The following HDAC4 variants were observed in gnomAD, a reference collection of about 807,000 sequenced individuals.
HDAC4 encodes histone deacetylase A.
HDAC4 carries 16 observed loss-of-function variants against 135.1 expected under a neutral mutation model. The ratio of observed to expected loss-of-function variants is 0.12; its 90% CI spans 0.08 to 0.18. The LOEUF is 0.18. Among genes scored for constraint, HDAC4 ranks in the 10% least tolerant of loss-of-function variants. HDAC4 has a pLI of 1.00. For missense variants in HDAC4, 1,143 were observed against 1,511.8 expected, an observed-to-expected ratio of 0.76 and a Z score of 4.05; for synonymous variants, 685 against 653.4, an observed-to-expected ratio of 1.05 and a Z score of -0.74.
At chr2:239,370,153 G>T (rs1318608901) in intron 1 of HDAC4, among the ~76,000 whole-genome samples, 1 of 152,174 alleles carries the variant, frequency 6.6e-6, no homozygotes, top group Non-Finnish European at 1.5e-5. Flanking sequence ...TTTTCCCAAG[G>T]GGCTCTGCGG....
At chr2:239,379,985 T>C (rs2126051308) in intron 1 of HDAC4, among the ~76,000 whole-genome samples, 1 of 152,264 alleles carries the variant, frequency 6.6e-6, no homozygotes, top group Middle Eastern at 3.4e-3. Context: ...ATCTGGCCCG[T>C]GGTGGAGTGT....
chr2:239,098,981 GAA>G (rs1178330460), intron 16 of HDAC4, among the ~76,000 whole-genome samples: 1 of 152,234 alleles, frequency 6.6e-6, no homozygotes, highest in Non-Finnish European at 1.5e-5. Flanking sequence ...GTAAACAAAA[GAA>G]ACTGACTAGA....
chr2:239,382,028 C>T (rs1232442567), intron 1 of HDAC4, among the ~76,000 whole-genome samples: 11 of 152,188 alleles, frequency 7.2e-5, no homozygotes, highest in Non-Finnish European at 1.5e-4. Context: ...AACAGTGATA[C>T]AGATCACATA....
At position 239,053,094 on chromosome 2, in the gene HDAC4, G is replaced by A. The variant is rs752544676; in HGVS notation, c.*3C>T. ...ACAAGAGAACAGCAGCTTCGAGGGA[G>A]TGCTACAGGGGCGGCTCCTCTTCCA... On this transcript the variant is annotated 3_prime_UTR_variant, in exon 27 of 27. Transcript: ENST00000543185. 9.3e-6 allele frequency: 15 copies of A among 1,614,118 alleles called. No homozygotes were observed. Among genetic ancestry groups the A allele is most frequent in the South Asian group, 1.1e-5 (1 of 91,094 alleles).
At chr2:239,214,206 C>T (rs530084678) in intron 3 of HDAC4, among the ~76,000 whole-genome samples, 27 of 152,320 alleles carry the variant, frequency 1.8e-4, no homozygotes, top group East Asian at 1.4e-3. Flanking sequence ...AGAATCTGCT[C>T]CTGGCCTTCT....
chr2:239,398,854 CT>C (rs1212799832), intron 1 of HDAC4, among the ~76,000 whole-genome samples: 2 of 152,254 alleles, frequency 1.3e-5, no homozygotes, highest in African/African-American at 4.8e-5. Flanking sequence ...GGCATGCCTG[CT>C]GCCAGCTCCC....
In HDAC4 at chr2:239,397,897, G is replaced by A. The variant is rs113407403; in HGVS notation, c.-220+3081C>T. On this transcript the variant is annotated intron_variant, in intron 1 of 26. Transcript: ENST00000543185. ...GCCAAAAACCCAGAGCCCACCACAC[G>A]GCAGGGCATATGCTGACCACCTGAA... 1.1e-4 allele frequency among the ~76,000 whole-genome samples: 16 copies of A among 152,232 alleles called. No individual in the cohort carries two copies. In the East Asian group the frequency reaches 1.2e-3, roughly 11 times the overall value.
rs1327933488 is a variant in HDAC4, at chr2:239,108,182, G to A, written c.1980C>T (p.Gly660=). ...TCAGCATCAGCGTGTCATACACGAG[G>A]CCTGGGGCGGGGCAGAGGGGCCAAG... The part of the protein sequence containing the change: ...EPPTKPRFTT[G]LVYDTLMLKH... Residue 660 remains glycine, a splice_region_variant and synonymous_variant, in exon 15 of 27, where the codon GGC becomes GGT. Transcript: ENST00000543185. 1 of 1,598,490 alleles carries A rather than the reference G, an allele frequency of 6.3e-7. No individual in the cohort carries two copies. The highest frequency in any genetic ancestry group is 8.5e-7 in the Non-Finnish European group (1 of 1,173,810).
chr2:239,202,423 G>A (rs568902455), intron 3 of HDAC4, among the ~76,000 whole-genome samples: 27 of 152,324 alleles, frequency 1.8e-4, no homozygotes, highest in African/African-American at 5.3e-4. Flanking sequence ...TGGACGGGGC[G>A]TAGACTTGGG....
chr2:239,081,933 C>T (rs964430195), intron 21 of HDAC4, among the ~76,000 whole-genome samples, 169 bp downstream of exon 21: 10 of 152,226 alleles, frequency 6.6e-5, no homozygotes, highest in Non-Finnish European at 1.0e-4. Context: ...CCTGTGCACA[C>T]GCGATACGAT....
chr2:239,117,974 G>A (rs1016160806), intron 12 of HDAC4, among the ~76,000 whole-genome samples: 2 of 152,182 alleles, frequency 1.3e-5, no homozygotes, highest in East Asian at 1.9e-4. Context: ...CCACACTCAC[G>A]CGAGGCGGCC....
intron 2 of HDAC4, among the ~76,000 whole-genome samples, chr2:239,271,917 A>C (rs2050081774): frequency 6.6e-6 from 1 of 152,170 alleles, no homozygotes; most frequent in African/African-American, 2.4e-5. Context: ...ACTCAACAAG[A>C]CCAATACAAG....
chr2:239,387,994 C>T (rs1048830965), intron 1 of HDAC4, among the ~76,000 whole-genome samples: 10 of 152,174 alleles, frequency 6.6e-5, no homozygotes, highest in Admixed American at 2.0e-4. Context: ...GACGGGTATC[C>T]ACGCCACAGG....
At chr2:239,300,230 CA>C (rs1247070364) in intron 2 of HDAC4, among the ~76,000 whole-genome samples, 3 of 152,200 alleles carry the variant, frequency 2.0e-5, no homozygotes, top group Non-Finnish European at 2.9e-5. Context: ...GAAATTCAAA[CA>C]GATGAAGCCT....
chr2:239,325,481 CTAAT>C (rs1307170763), intron 2 of HDAC4, among the ~76,000 whole-genome samples: 1 of 152,190 alleles, frequency 6.6e-6, no homozygotes, highest in African/African-American at 2.4e-5. Flanking sequence ...TTCAACATCA[CTAAT>C]TATTAGGCAA....
intron 3 of HDAC4, among the ~76,000 whole-genome samples, chr2:239,197,975 C>T (rs930544816): frequency 2.0e-5 from 3 of 151,880 alleles, no homozygotes; most frequent in Non-Finnish European, 4.4e-5. Flanking sequence ...TGCCTTGCCT[C>T]CCGAGTAGCT....
At chr2:239,321,557 AAAAATATTACATTATCCCTG>A (rs2053314186) in intron 2 of HDAC4, among the ~76,000 whole-genome samples, 1 of 151,868 alleles carries the variant, frequency 6.6e-6, no homozygotes, top group Admixed American at 6.6e-5. Context: ...TAAATGTTGG[AAAAATATTACATTATCCCTG>A]AAGGAGTAGC....
chr2:239,053,056 CAG>C lies in HDAC4; in HGVS notation c.*39_*40del, dbSNP rs747482842. 1.7e-5 allele frequency: 27 copies of C among 1,612,166 alleles called. No individual in the cohort carries two copies. The highest frequency in any genetic ancestry group is 9.3e-5 in the African/African-American group (7 of 75,024). On this transcript the variant is annotated 3_prime_UTR_variant, in exon 27 of 27. Coordinates refer to ENST00000543185, the MANE Select transcript of HDAC4 (RefSeq NM_001378414.1). ...AAAGTTTCTTGGCTGAGCTTCAAGACAGAGACAGACAGACAAGAGAACAGCAG... is the reference window on the plus strand; with the variant it reads ...AAAGTTTCTTGGCTGAGCTTCAAGACAGACAGACAGACAAGAGAACAGCAG...
chr2:239,083,973 C>T (rs895976361), intron 20 of HDAC4, among the ~76,000 whole-genome samples, 182 bp downstream of exon 20: 2 of 152,238 alleles, frequency 1.3e-5, no homozygotes, highest in Admixed American at 6.5e-5. Flanking sequence ...GGTCGGCTGA[C>T]GGAAGCTGTA....
Sources: gnomAD v4.1 joint callset for allele counts (sites outside exome capture counted in the v4.1 genomes callset) on GRCh38, gnomAD v4.1.1 for gene constraint, MANE v1.5 for transcripts, NCBI Gene and HGNC (gene_info 2026-07-23, HGNC 2026-07-21) for gene names.